LRRTM3: variants seen among roughly 807,000 people sequenced by gnomAD.
LRRTM3 encodes the protein leucine-rich repeat transmembrane neuronal protein 3.
Under a neutral mutation model 44.7 loss-of-function variants are expected in LRRTM3, and 24 were observed. The ratio of observed to expected loss-of-function variants is 0.54; its 90% CI spans 0.39 to 0.76. LRRTM3 has a LOEUF of 0.76. LRRTM3 is among the 30% of genes least tolerant of loss of function. LRRTM3 has a pLI of 0.00. For missense variants in LRRTM3, 587 were observed against 702.2 expected, an observed-to-expected ratio of 0.84 and a Z score of 1.85; for synonymous variants, 277 against 278.7, an observed-to-expected ratio of 0.99 and a Z score of 0.06.
chr10:67,095,031 A>T (rs1857894743), intron 2 of LRRTM3, among the ~76,000 whole-genome samples: 1 of 140,194 alleles, frequency 7.1e-6, no homozygotes, highest in African/African-American at 2.8e-5. Flanking sequence ...GTGTATATAC[A>T]TATATGTTTA....
chr10:66,953,406 A>G (rs1848636853), intron 2 of LRRTM3, among the ~76,000 whole-genome samples: 2 of 152,158 alleles, frequency 1.3e-5, no homozygotes, highest in Non-Finnish European at 2.9e-5. Context: ...ACATGAATCA[A>G]GGAGGTTTAT....
At chr10:67,085,981 C>T (rs556774071) in intron 2 of LRRTM3, among the ~76,000 whole-genome samples, 13 of 152,138 alleles carry the variant, frequency 8.5e-5, no homozygotes, top group African/African-American at 3.1e-4. Flanking sequence ...TCATATCCTA[C>T]ACATAATTCC....
At chr10:67,082,622 G>A (rs1301780213) in intron 2 of LRRTM3, among the ~76,000 whole-genome samples, 8 of 152,012 alleles carry the variant, frequency 5.3e-5, no homozygotes, top group Non-Finnish European at 7.4e-5. Flanking sequence ...CAGCTGGCCC[G>A]CAGGAGAAAA....
At chr10:67,090,391 C>T (rs894456479) in intron 2 of LRRTM3, among the ~76,000 whole-genome samples, 10 of 151,998 alleles carry the variant, frequency 6.6e-5, no homozygotes, top group Non-Finnish European at 1.3e-4. Flanking sequence ...TTAATGTTCA[C>T]ACTAATGGAA....
rs1284046282 is a variant in LRRTM3 at position 66,927,081 on chromosome 10, A to G, written c.165A>G (p.Ile55Met). The change falls in exon 2 of 3, where the codon ATA becomes ATG. Residue 55 changes from isoleucine (I) to methionine (M), a missense_variant. Around this residue, in one of 3 missense-constraint regions of LRRTM3, gnomAD observed 222 missense variants for 323.3 expected, o/e 0.69. Coordinates refer to ENST00000361320, the MANE Select transcript of LRRTM3 (RefSeq NM_178011.5). This position sits in a 1 kb window ranked among gnomAD's most constrained non-coding sequence, Gnocchi z 4.7. ...GTGAATCTCAGAAATTACAGGAGAT[A>G]CCCTCAAGTATATCTGCTGGTTGCT... ...VYCESQKLQE[I>M]PSSISAGCLG... 6.2e-7 allele frequency: 1 copy of G among 1,614,178 alleles called. No individual in the cohort carries two copies.
intron 2 of LRRTM3, among the ~76,000 whole-genome samples, chr10:66,986,307 G>A (rs1850725264): frequency 6.6e-6 from 1 of 151,988 alleles, no homozygotes; most frequent in Non-Finnish European, 1.5e-5. Flanking sequence ...AGACAGCCTG[G>A]GCAACATGGT....
intron 2 of LRRTM3, among the ~76,000 whole-genome samples, chr10:66,994,473 T>C (rs889030472): frequency 3.3e-5 from 5 of 152,182 alleles, no homozygotes; most frequent in Admixed American, 6.5e-5. Flanking sequence ...TTACCAAATA[T>C]CTGCAATTCC....
intron 2 of LRRTM3, among the ~76,000 whole-genome samples, chr10:67,031,326 A>T (rs922503357): frequency 3.3e-5 from 5 of 152,204 alleles, no homozygotes; most frequent in African/African-American, 1.2e-4. Context: ...AAAAAATGCA[A>T]GAAGTCAAGT....
intron 2 of LRRTM3, among the ~76,000 whole-genome samples, chr10:67,006,076 G>A (rs1415811207): frequency 1.3e-5 from 2 of 151,936 alleles, no homozygotes; most frequent in Admixed American, 1.3e-4. Context: ...ACCACCTGTT[G>A]AACAGTACAG....
intron 2 of LRRTM3, among the ~76,000 whole-genome samples, chr10:66,968,317 C>T (rs907037368): frequency 6.7e-5 from 10 of 150,242 alleles, no homozygotes; most frequent in Non-Finnish European, 1.0e-4. Context: ...ATATCAGACA[C>T]TATTTTAGAG....
At position 66,927,135 on chromosome 10, in the gene LRRTM3, T is replaced by C; in HGVS notation, c.219T>C (p.Leu73=). The stretch of plus-strand genomic sequence containing the variant: ...GTTTGTCCCTTCGCTATAACAGCCT[T>C]CAAAAACTTAAGTATAATCAATTTA... ...CLGLSLRYNS[L]QKLKYNQFKG... Residue 73 remains leucine (L), a synonymous_variant, in exon 2 of 3, where the codon CTT becomes CTC. Coordinates refer to ENST00000361320, the MANE Select transcript of LRRTM3 (RefSeq NM_178011.5). This position sits in a 1 kb window ranked among gnomAD's most constrained non-coding sequence, Gnocchi z 4.7. 1 of 1,614,176 alleles carries C rather than the reference T, an allele frequency of 6.2e-7. No homozygotes were observed. Among genetic ancestry groups the C allele is most frequent in the Non-Finnish European group, 8.5e-7 (1 of 1,180,030 alleles).
intron 2 of LRRTM3, among the ~76,000 whole-genome samples, chr10:67,025,144 AAAAG>A (rs1564839374): frequency 2.8e-4 from 41 of 147,374 alleles, no homozygotes; most frequent in African/African-American, 7.7e-4. Context: ...ACAAAAAAAA[AAAAG>A]AAAGAAAGGA....
chr10:66,978,552 A>AAAAAATATAT, intron 2 of LRRTM3, among the ~76,000 whole-genome samples: 1 of 37,866 alleles, frequency 2.6e-5, no homozygotes, highest in African/African-American at 8.7e-5. Context: ...AAAAAAAAAA[A>AAAAAATATAT]ATATATATAT....
chr10:67,003,913 C>T lies in LRRTM3; in HGVS notation c.1536+75461C>T, dbSNP rs187187272. Among the ~76,000 whole-genome samples the T allele has an allele frequency of 6.6e-5, 10 of 152,202 alleles. No homozygotes were observed. In the East Asian group the frequency reaches 1.9e-3, roughly 29 times the overall value. On this transcript the variant is annotated intron_variant, in intron 2 of 2. Transcript: ENST00000361320. ...GAAGAGAATAAACTGTGAGACTATA[C>T]CTTGCACATGTTTTTTATTGCATGA...
intron 2 of LRRTM3, among the ~76,000 whole-genome samples, chr10:66,993,872 G>A (rs959215930): frequency 1.4e-4 from 21 of 151,882 alleles, no homozygotes; most frequent in Non-Finnish European, 2.8e-4. Flanking sequence ...CTTCTTATCC[G>A]ATTTATTCTT....
At chr10:66,950,294 G>T (rs1925569) in intron 2 of LRRTM3, among the ~76,000 whole-genome samples, 146,932 of 152,160 alleles carry the variant, frequency 0.97, 71,154 homozygotes, top group East Asian at 1. Context: ...CTAACTTGAA[G>T]TATATTTACT....
intron 2 of LRRTM3, among the ~76,000 whole-genome samples, chr10:67,038,930 C>T (rs1854231577): frequency 6.6e-6 from 1 of 151,850 alleles, no homozygotes; most frequent in African/African-American, 2.4e-5. Context: ...TAACTTGTAG[C>T]ATATGTAAAA....
chr10:66,979,998 G>A (rs1850316851), intron 2 of LRRTM3, among the ~76,000 whole-genome samples: 2 of 152,176 alleles, frequency 1.3e-5, no homozygotes. Context: ...AAAAGAAGAG[G>A]AAGGAAAACA....
chr10:67,066,918 G>T (rs952160625), intron 2 of LRRTM3, among the ~76,000 whole-genome samples: 1 of 152,150 alleles, frequency 6.6e-6, no homozygotes, highest in African/African-American at 2.4e-5. Context: ...TTGGACATGA[G>T]CAATATTTAT....
Sources: gnomAD v4.1 joint callset for allele counts (sites outside exome capture counted in the v4.1 genomes callset) on GRCh38, gnomAD v4.1.1 for gene constraint, gnomAD v4.1.1 regional missense constraint, Gnocchi (gnomAD v3.1) non-coding constraint, MANE v1.5 for transcripts, NCBI Gene and HGNC (gene_info 2026-07-23, HGNC 2026-07-21) for gene names.